The following LRCH3 variants were observed in gnomAD, a reference collection of about 807,000 sequenced individuals.
LRCH3 encodes the protein DISP complex protein LRCH3.
LRCH3 carries 68 observed loss-of-function variants against 104.5 expected under a neutral mutation model. That is an observed-to-expected ratio of 0.65 (90% CI 0.54 to 0.80). The LOEUF is 0.80. Among genes scored for constraint, LRCH3 ranks in the 30% least tolerant of loss-of-function variants. The pLI, the probability that LRCH3 is intolerant of heterozygous loss-of-function variation, is 0.00. For synonymous variants in LRCH3, 344 were observed against 361.3 expected (o/e 0.95, Z 0.54); for missense variants, 951 against 953.9 (o/e 1.00, Z 0.04).
chr3:197,819,917 C>G lies in LRCH3; in HGVS notation c.535-408C>G, dbSNP rs193146051. On this transcript the variant is annotated intron_variant, in intron 3 of 20. Transcript: ENST00000425562. Reference sequence around the variant, plus strand: ...TAGAGACAAGGCCTTACCATGTTGCCCACGCTGGTCTGAAACTCCTGGGCT... The same window carrying G: ...TAGAGACAAGGCCTTACCATGTTGCGCACGCTGGTCTGAAACTCCTGGGCT... 1.2e-4 allele frequency among the ~76,000 whole-genome samples: 19 copies of G among 152,044 alleles called. No individual in the cohort carries two copies. The East Asian group carries it at 3.1e-3, about 25-fold the overall frequency.
rs1229802676 is a variant in LRCH3 at position 197,792,576 on chromosome 3, T to TA, written c.262+1036_262+1037insA. Among the ~76,000 whole-genome samples the TA allele has an allele frequency of 3.2e-3, 177 of 54,856 alleles. 10 individuals are homozygous for TA. Among genetic ancestry groups the TA allele is most frequent in the African/African-American group, 0.015 (150 of 10,282 alleles). The allele number at this position is 54,856 out of a possible 152,430, so 36.0% of individuals were successfully genotyped here. A position where few individuals can be genotyped will look rare whatever the true frequency, so the allele number is the denominator to read the frequency against. On this transcript the variant is annotated intron_variant, in intron 1 of 20. Coordinates refer to ENST00000425562, the MANE Select transcript of LRCH3 (RefSeq NM_001365715.1). The stretch of plus-strand genomic sequence containing the variant: ...GCAGCCGCCACCACGCCCAGCTAAT[T>TA]TTATATATATATATATATATATATA...
intron 15 of LRCH3, among the ~76,000 whole-genome samples, chr3:197,862,385 T>C (rs1740987748): frequency 6.6e-6 from 1 of 152,366 alleles, no homozygotes; most frequent in South Asian, 2.1e-4. Context: ...CCTGTTAACT[T>C]TCTCCTTTTA....
chr3:197,800,268 A>G (rs1300615687), intron 1 of LRCH3, among the ~76,000 whole-genome samples: 1 of 152,232 alleles, frequency 6.6e-6, no homozygotes, highest in African/African-American at 2.4e-5. Flanking sequence ...GGTAAGCCAC[A>G]GTCTTCTTAA....
At chr3:197,870,788 A>C (rs193165410) in intron 18 of LRCH3, among the ~76,000 whole-genome samples, 2 of 151,198 alleles carry the variant, frequency 1.3e-5, no homozygotes, top group African/African-American at 4.9e-5. Context: ...AATTTTTAAC[A>C]GATTAAATGA....
chr3:197,791,693 C>T (rs1730533605), intron 1 of LRCH3, among the ~76,000 whole-genome samples, 153 bp downstream of exon 1: 1 of 151,942 alleles, frequency 6.6e-6, no homozygotes, highest in African/African-American at 2.4e-5. Context: ...GGCGCCAGCC[C>T]TCCGGGCCTG....
At chr3:197,853,370 A>G (rs1739882155) in intron 13 of LRCH3, among the ~76,000 whole-genome samples, 1 of 151,946 alleles carries the variant, frequency 6.6e-6, no homozygotes, top group Non-Finnish European at 1.5e-5. Flanking sequence ...TTGTATTTTC[A>G]GTAGAGACGG....
chr3:197,870,644 GC>G (rs1348762708), intron 18 of LRCH3, among the ~76,000 whole-genome samples: 5 of 152,136 alleles, frequency 3.3e-5, no homozygotes, highest in African/African-American at 7.2e-5. Flanking sequence ...GGGATGGCAG[GC>G]GTGAGCTTCC....
chr3:197,854,469 G>A lies in LRCH3; in HGVS notation c.1644+24G>A, dbSNP rs750943497. 3 of 1,609,502 alleles carry A rather than the reference G, an allele frequency of 1.9e-6. No homozygotes were observed. The highest frequency in any genetic ancestry group is 4.5e-5 in the East Asian group (2 of 44,860). On this transcript the variant is annotated intron_variant, in intron 14 of 20. Transcript: ENST00000425562. This position sits in a 1 kb window ranked among gnomAD's most constrained non-coding sequence, Gnocchi z 4.5. ...TGGTAAGAGTTTTGCACAAAACGGA[G>A]TTTCGCATTTCTGTGTTTAGAGATT... is the stretch of plus-strand genomic sequence containing the variant.
chr3:197,811,622 A>G (rs1277409949), intron 1 of LRCH3, among the ~76,000 whole-genome samples: 1 of 152,212 alleles, frequency 6.6e-6, no homozygotes, highest in African/African-American at 2.4e-5. Flanking sequence ...TACTGTTGAA[A>G]ACATTAATTT....
chr3:197,836,565 G>A (rs1736827709), intron 9 of LRCH3, among the ~76,000 whole-genome samples: 1 of 152,138 alleles, frequency 6.6e-6, no homozygotes, highest in South Asian at 2.1e-4. Context: ...AGAGAATGAT[G>A]TATTATCCTT....
In LRCH3 at chr3:197,884,100, A is replaced by G. The variant is rs544554386; in HGVS notation, c.*434A>G. ...AGTATTTGTTAAAATACAGATTCAC[A>G]TTCAGTAGAGCTGGGGTAAGGCCTA... On this transcript the variant is annotated 3_prime_UTR_variant, in exon 21 of 21. Transcript: ENST00000425562. The G allele has an allele frequency of 5.7e-5, 9 of 156,892 alleles. No individual in the cohort carries two copies. The highest frequency in any genetic ancestry group is 7.0e-5 in the Non-Finnish European group (5 of 71,280). 9.7% of individuals were successfully genotyped at this position (156,892 alleles called of 1,614,324 possible).
chr3:197,838,864 G>A (rs1002896135), intron 9 of LRCH3, among the ~76,000 whole-genome samples: 3 of 152,184 alleles, frequency 2.0e-5, no homozygotes, highest in Non-Finnish European at 4.4e-5. Context: ...GAGACAATTT[G>A]TTGTGATGGA....
chr3:197,846,217 A>G (rs1274173521), intron 10 of LRCH3, among the ~76,000 whole-genome samples: 2 of 152,084 alleles, frequency 1.3e-5, no homozygotes, highest in Non-Finnish European at 2.9e-5. Flanking sequence ...GACCTGGGTT[A>G]ACCTAGCAAA....
At chr3:197,848,219 A>G (rs904181016) in intron 12 of LRCH3, 198 bp downstream of exon 12, 1 of 550,848 alleles carries the variant, frequency 1.8e-6, no homozygotes, top group Non-Finnish European at 3.2e-6. Context: ...GTTAACGGTA[A>G]ATCTGTCATT....
At position 197,827,101 on chromosome 3, in the gene LRCH3, C is replaced by T. The variant is rs903477423; in HGVS notation, c.777+87C>T. ...AGCATCTGGTGAACCATAGTGGAAG[C>T]ATCAGGTAAATCATAGTGGAAGCAT... On this transcript the variant is annotated intron_variant, in intron 5 of 20. Coordinates refer to ENST00000425562, the MANE Select transcript of LRCH3 (RefSeq NM_001365715.1). 3.4e-5 allele frequency: 53 copies of T among 1,564,084 alleles called. No homozygotes were observed. In the African/African-American group the frequency reaches 6.3e-4, roughly 19 times the overall value.
intron 20 of LRCH3, chr3:197,880,952 C>G: frequency 7.2e-7 from 1 of 1,388,962 alleles, no homozygotes; most frequent in Non-Finnish European, 9.3e-7. Context: ...GGTCATCCGT[C>G]CATTCTCCTG....
chr3:197,791,348 A>T lies in LRCH3; in HGVS notation c.70A>T (p.Asn24Tyr). Reference protein sequence around the residue: ...EYSGTVASGGNLPGVHCGPSS... With the variant: ...EYSGTVASGGYLPGVHCGPSS... ...CTCTGGCACGGTAGCGTCGGGAGGT[A>T]ACCTCCCTGGTGTTCACTGCGGCCC... The change falls in exon 1 of 21, where the codon AAC becomes TAC. Residue 24 changes from asparagine (N) to tyrosine (Y), a missense_variant. Coordinates refer to ENST00000425562, the MANE Select transcript of LRCH3 (RefSeq NM_001365715.1). 1 of 1,607,196 alleles carries T rather than the reference A, an allele frequency of 6.2e-7. No homozygotes were observed. The highest frequency in any genetic ancestry group is 8.5e-7 in the Non-Finnish European group (1 of 1,178,002).
At chr3:197,880,091 G>C (rs1015218406) in intron 20 of LRCH3, among the ~76,000 whole-genome samples, 1 of 151,002 alleles carries the variant, frequency 6.6e-6, no homozygotes, top group Non-Finnish European at 1.5e-5. Context: ...GACTACAGGC[G>C]CCCGCCACCA....
intron 2 of LRCH3, among the ~76,000 whole-genome samples, chr3:197,815,292 C>A (rs1733678071): frequency 6.6e-6 from 1 of 152,170 alleles, no homozygotes. Context: ...GTAAACCCAT[C>A]TAAGTTGAAA....
Sources: gnomAD v4.1 joint callset for allele counts (sites outside exome capture counted in the v4.1 genomes callset) on GRCh38, gnomAD v4.1.1 for gene constraint, Gnocchi (gnomAD v3.1) non-coding constraint, MANE v1.5 for transcripts, NCBI Gene and HGNC (gene_info 2026-07-23, HGNC 2026-07-21) for gene names.